Variants in MIGA1 observed in about 807,000 individuals in gnomAD.
The protein encoded by MIGA1 is family with sequence similarity 73, member A.
In MIGA1, 58 loss-of-function variants were observed where a neutral mutation model predicts 82.0. The observed-to-expected ratio is 0.71, with a 90% CI of 0.57 to 0.88. MIGA1 has a LOEUF of 0.88. Among genes scored for constraint, MIGA1 ranks in the 40% least tolerant of loss-of-function variants. The pLI, the probability that MIGA1 is intolerant of heterozygous loss-of-function variation, is 0.00. For synonymous variants in MIGA1, 249 were observed against 253.6 expected (o/e 0.98, Z 0.17); for missense variants, 751 against 749.1 (o/e 1.00, Z -0.03).
In MIGA1 at chr1:77,779,695, G is replaced by A; in HGVS notation, c.40G>A (p.Ala14Thr). The A allele has an allele frequency of 6.3e-7, 1 of 1,590,492 alleles. No individual in the cohort carries two copies. The highest frequency in any genetic ancestry group is 1.7e-4 in the Middle Eastern group (1 of 6,032). ...CTCAGCGCCAGGCATCAGCTGGGAAGCTGGCGTGGGCAGGCCAGCTGTACC... is the reference window on the plus strand; with the variant it reads ...CTCAGCGCCAGGCATCAGCTGGGAAACTGGCGTGGGCAGGCCAGCTGTACC... The change falls in exon 1 of 16, where the codon GCT becomes ACT. Residue 14 changes from alanine (A) to threonine (T), a missense_variant. This residue lies in a region of MIGA1 where 482 missense variants were observed against 439.4 expected (regional missense o/e 1.10). Transcript: ENST00000370791.
chr1:77,836,941 A>G (rs1684457002), intron 7 of MIGA1, among the ~76,000 whole-genome samples: 1 of 152,228 alleles, frequency 6.6e-6, no homozygotes, highest in African/African-American at 2.4e-5. Context: ...AACTCAATAT[A>G]CATAATTAGG....
intron 7 of MIGA1, among the ~76,000 whole-genome samples, chr1:77,835,625 T>G (rs1684396679): frequency 6.6e-6 from 1 of 151,974 alleles, no homozygotes. Context: ...GTAGTATAAG[T>G]TTAGTTAATT....
At chr1:77,815,905 A>C (rs1352405620) in intron 7 of MIGA1, among the ~76,000 whole-genome samples, 1 of 151,196 alleles carries the variant, frequency 6.6e-6, no homozygotes, top group Non-Finnish European at 1.5e-5. Context: ...AATTAAAAAA[A>C]TTTTTTTTGT....
At chr1:77,812,507 T>C (rs542638328) in intron 5 of MIGA1, among the ~76,000 whole-genome samples, 5 of 152,278 alleles carry the variant, frequency 3.3e-5, no homozygotes, top group Admixed American at 1.3e-4. Flanking sequence ...TTTAGGATTG[T>C]AGGTTCTATA....
chr1:77,844,811 A>T (rs1052925236), intron 8 of MIGA1, among the ~76,000 whole-genome samples: 1 of 152,122 alleles, frequency 6.6e-6, no homozygotes, highest in Non-Finnish European at 1.5e-5. Flanking sequence ...GTGAAACACC[A>T]TCCCTACAAA....
At chr1:77,789,872 C>G (rs145505208) in intron 2 of MIGA1, among the ~76,000 whole-genome samples, 138 of 152,124 alleles carry the variant, frequency 9.1e-4, no homozygotes, top group African/African-American at 3.2e-3. Flanking sequence ...AACTAGGTAC[C>G]ATGAGTCAAT....
chr1:77,849,949 C>T (rs914881192), intron 8 of MIGA1, among the ~76,000 whole-genome samples: 1 of 151,498 alleles, frequency 6.6e-6, no homozygotes, highest in African/African-American at 2.4e-5. Flanking sequence ...GCAGGAGAAT[C>T]GCTTGAACCT....
At chr1:77,811,189 C>T (rs1683313687) in intron 5 of MIGA1, 2 of 1,539,596 alleles carry the variant, frequency 1.3e-6, no homozygotes, top group Non-Finnish European at 1.8e-6. Context: ...TAAGTCTATG[C>T]CATTCAGATC....
At chr1:77,852,726 T>A (rs774335407) in intron 8 of MIGA1, among the ~76,000 whole-genome samples, 5 of 152,222 alleles carry the variant, frequency 3.3e-5, no homozygotes, top group African/African-American at 1.2e-4. Flanking sequence ...AATCTCACTC[T>A]GTCTCCCAAG....
At chr1:77,848,747 C>T in intron 8 of MIGA1, 1 of 1,444,956 alleles carries the variant, frequency 6.9e-7, no homozygotes, top group Non-Finnish European at 9.7e-7. Flanking sequence ...AGGTACTTGG[C>T]CAGGCAGATG....
intron 7 of MIGA1, among the ~76,000 whole-genome samples, chr1:77,828,631 A>AT (rs1195947253): frequency 6.6e-6 from 1 of 152,232 alleles, no homozygotes; most frequent in East Asian, 1.9e-4. Context: ...AGCCTCAAAT[A>AT]TATAAAGTAC....
chr1:77,848,812 C>T (rs1193462202), intron 8 of MIGA1: 6 of 1,177,178 alleles, frequency 5.1e-6, no homozygotes, highest in Non-Finnish European at 6.9e-6. Flanking sequence ...ATGGCTACCC[C>T]AAGAGAAAGA....
intron 12 of MIGA1, among the ~76,000 whole-genome samples, chr1:77,863,297 C>G (rs779072989): frequency 5.3e-5 from 8 of 152,166 alleles, no homozygotes; most frequent in Non-Finnish European, 8.8e-5. Context: ...TTCCCGATTC[C>G]CTGCTCACTC....
rs763485267 is a variant in MIGA1, at chr1:77,861,336, T to C, written c.1374+14T>C. On this transcript the variant is annotated intron_variant, in intron 12 of 15. Transcript: ENST00000370791. ...GCTGCTAGAGGGGTAAATTCAAATT[T>C]TTTGTGATATTTATTTTTCTTAGTT... 2 of 1,487,844 alleles carry C rather than the reference T, an allele frequency of 1.3e-6. No individual in the cohort carries two copies. Among genetic ancestry groups the C allele is most frequent in the Non-Finnish European group, 1.9e-6 (2 of 1,071,184 alleles). 92.2% of individuals were successfully genotyped at this position (1,487,844 alleles called of 1,614,324 possible).
chr1:77,806,155 A>G (rs1186436045), intron 4 of MIGA1, among the ~76,000 whole-genome samples: 2 of 152,230 alleles, frequency 1.3e-5, no homozygotes, highest in South Asian at 2.1e-4. Flanking sequence ...TCTGTAGGCT[A>G]TATGTTGTAA....
chr1:77,870,024 C>A (rs556562688), intron 14 of MIGA1, among the ~76,000 whole-genome samples: 22 of 129,390 alleles, frequency 1.7e-4, no homozygotes, highest in Non-Finnish European at 3.6e-4. Flanking sequence ...CTCCTCACTT[C>A]CCAGTAGGGG....
chr1:77,800,844 G>A (rs191321958), intron 2 of MIGA1, among the ~76,000 whole-genome samples: 6 of 152,266 alleles, frequency 3.9e-5, no homozygotes, highest in Non-Finnish European at 8.8e-5. Context: ...TTATAACACA[G>A]TCCTGGTACT....
chr1:77,826,109 A>G (rs1275012900), intron 7 of MIGA1, among the ~76,000 whole-genome samples: 2 of 152,230 alleles, frequency 1.3e-5, no homozygotes, highest in Non-Finnish European at 2.9e-5. Context: ...TAAAAATTTC[A>G]TAGTTATAGA....
intron 11 of MIGA1, 58 bp downstream of exon 11, chr1:77,860,184 G>T: frequency 1.6e-6 from 2 of 1,230,930 alleles, no homozygotes; most frequent in South Asian, 2.7e-5. Context: ...TTTACCCTTT[G>T]AACTGAAGAT....
Sources: gnomAD v4.1 joint callset for allele counts (sites outside exome capture counted in the v4.1 genomes callset) on GRCh38, gnomAD v4.1.1 for gene constraint, gnomAD v4.1.1 regional missense constraint, MANE v1.5 for transcripts, NCBI Gene and HGNC (gene_info 2026-07-23, HGNC 2026-07-21) for gene names.